TRPV1: variants seen among roughly 807,000 people sequenced by gnomAD.
TRPV1 encodes OTRPC1.
TRPV1 carries 82 observed loss-of-function variants against 82.3 expected under a neutral mutation model. That is an observed-to-expected ratio of 1.00 (90% confidence interval 0.83 to 1.20). TRPV1 has a LOEUF of 1.20. Ranked by LOEUF, TRPV1 falls within the 50% of genes most tolerant of loss-of-function variation. TRPV1 has a pLI of 0.00. For missense variants in TRPV1, 1,067 were observed against 1,096.8 expected, an observed-to-expected ratio of 0.97 and a Z score of 0.38; for synonymous variants, 515 against 467.7, an observed-to-expected ratio of 1.10 and a Z score of -1.30.
intron 16 of TRPV1, among the ~76,000 whole-genome samples, chr17:3,568,051 G>A (rs560280757): frequency 1.5e-4 from 23 of 152,206 alleles, no homozygotes; most frequent in African/African-American, 4.3e-4. Flanking sequence ...GGCCGGGCGC[G>A]GTGGCTCACG....
chr17:3,567,694 G>A (rs961790496), intron 16 of TRPV1, among the ~76,000 whole-genome samples: 4 of 151,466 alleles, frequency 2.6e-5, no homozygotes, highest in Admixed American at 6.6e-5. Context: ...AGCTCTGGGT[G>A]ACGAGCACCA....
chr17:3,574,516 C>T (rs1247775573), intron 13 of TRPV1, among the ~76,000 whole-genome samples: 1 of 152,186 alleles, frequency 6.6e-6, no homozygotes, highest in African/African-American at 2.4e-5. Context: ...CCTATTAGGT[C>T]TCTCTTAGTC....
At chr17:3,577,816 A>G in intron 11 of TRPV1, 53 bp from the exon 12 acceptor site, 1 of 1,533,668 alleles carries the variant, frequency 6.5e-7, no homozygotes, top group Non-Finnish European at 8.8e-7. Context: ...GAGGCCTGGC[A>G]CCCCCAGAAC....
At chr17:3,601,821 C>A (rs1445505333) in intron 2 of TRPV1, 1 of 151,550 alleles carries the variant, frequency 6.6e-6, no homozygotes, top group Non-Finnish European at 1.5e-5. Flanking sequence ...TCTCAAACTC[C>A]TGAGTTCACG....
In TRPV1 at chr17:3,566,923, A is replaced by G; in HGVS notation, c.2412T>C (p.Asp804=). Reference sequence around the variant, plus strand: ...CTTCCTCGGGCTGAGCAGACTGCCTATCTCGAGCACTTGCCTCTCTTAAAA... The same window carrying G: ...CTTCCTCGGGCTGAGCAGACTGCCTGTCTCGAGCACTTGCCTCTCTTAAAA... The part of the protein sequence containing the change: ...VPLLREASAR[D]RQSAQPEEVY... Residue 804 remains aspartate, a synonymous_variant, in exon 17 of 17, where the codon GAT becomes GAC. Transcript: ENST00000572705. The G allele has an allele frequency of 6.2e-7, 1 of 1,614,014 alleles. No individual in the cohort carries two copies. Among genetic ancestry groups the G allele is most frequent in the Non-Finnish European group, 8.5e-7 (1 of 1,179,884 alleles).
intron 16 of TRPV1, 95 bp downstream of exon 16, chr17:3,571,429 G>T: frequency 1.0e-6 from 1 of 996,420 alleles, no homozygotes; most frequent in Non-Finnish European, 1.5e-6. Flanking sequence ...GGGGGATGAG[G>T]AACCCGGCAA....
intron 4 of TRPV1, 33 bp downstream of exon 4, chr17:3,591,154 T>G: frequency 6.2e-7 from 1 of 1,609,592 alleles, no homozygotes; most frequent in Non-Finnish European, 8.5e-7. Flanking sequence ...AGGCCAGGGC[T>G]GGGGCCCTCC....
chr17:3,573,000 A>G (rs1169743962), intron 14 of TRPV1, among the ~76,000 whole-genome samples: 1 of 151,842 alleles, frequency 6.6e-6, no homozygotes, highest in African/African-American at 2.4e-5. Context: ...AAAAAAAAAA[A>G]AAAAAAAAAG....
At chr17:3,603,826 A>G (rs1204277206) in intron 2 of TRPV1, among the ~76,000 whole-genome samples, 1 of 152,206 alleles carries the variant, frequency 6.6e-6, no homozygotes, top group Non-Finnish European at 1.5e-5. Flanking sequence ...TGGCCTGTCC[A>G]TCTACCTGTG....
At chr17:3,583,709 G>A (rs562907129) in intron 9 of TRPV1, among the ~76,000 whole-genome samples, 3 of 152,220 alleles carry the variant, frequency 2.0e-5, no homozygotes, top group Non-Finnish European at 4.4e-5. Flanking sequence ...CCTCCTGGCT[G>A]GGAGCAGAGT....
intron 2 of TRPV1, among the ~76,000 whole-genome samples, chr17:3,603,709 A>C (rs1039022686): frequency 3.3e-5 from 5 of 152,160 alleles, no homozygotes; most frequent in Non-Finnish European, 7.3e-5. Flanking sequence ...CATTAGCTCG[A>C]AGTTATGACT....
intron 13 of TRPV1, among the ~76,000 whole-genome samples, chr17:3,576,666 A>AAAAAAAAAAAAAAAAATATAT (rs2074932932): frequency 5.3e-5 from 2 of 37,892 alleles, no homozygotes; most frequent in Non-Finnish European, 6.9e-5. Context: ...AAAAAAAAAA[A>AAAAAAAAAAAAAAAAATATAT]AAATATATAT....
At position 3,591,044 on chromosome 17, in the gene TRPV1, G is replaced by A. The variant is rs1437725344; in HGVS notation, c.524C>T (p.Pro175Leu). 1 of 1,613,048 alleles carries A rather than the reference G, an allele frequency of 6.2e-7. No individual in the cohort carries two copies. The highest frequency in any genetic ancestry group is 1.1e-5 in the South Asian group (1 of 90,776). Residue 175 changes from proline to leucine, a missense_variant, in exon 5 of 17, where the codon CCC becomes CTC. By Grantham distance (98) the Pro-to-Leu change is moderately conservative. Coordinates refer to ENST00000572705, the MANE Select transcript of TRPV1 (RefSeq NM_080704.4). ...TTGCCGCGCGATCTCCAGGAGCAGG[G>A]GGATGGTGGTGTTCTGTCCGTCGTG... ...NLHDGQNTTI[P>L]LLLEIARQTD...
intron 16 of TRPV1, among the ~76,000 whole-genome samples, chr17:3,567,432 G>A (rs1055516146): frequency 2.6e-5 from 4 of 151,164 alleles, no homozygotes; most frequent in Non-Finnish European, 5.9e-5. Flanking sequence ...ACGAGGCCCA[G>A]GCATGCGAGT....
At chr17:3,603,900 C>G in intron 2 of TRPV1, among the ~76,000 whole-genome samples, 1 of 152,164 alleles carries the variant, frequency 6.6e-6, no homozygotes. Context: ...ATACAAATCC[C>G]CTAGCAGAGC....
intron 11 of TRPV1, 36 bp from the exon 12 acceptor site, chr17:3,577,799 A>T: frequency 6.4e-7 from 1 of 1,564,162 alleles, no homozygotes; most frequent in Non-Finnish European, 8.7e-7. Context: ...CGTCTACGGG[A>T]ACCCAGGAGG....
intron 2 of TRPV1, among the ~76,000 whole-genome samples, chr17:3,598,710 C>T (rs2075240086): frequency 6.6e-6 from 1 of 151,442 alleles, no homozygotes; most frequent in Non-Finnish European, 1.5e-5. Flanking sequence ...GGATTACAGG[C>T]ACGTGCCACC....
chr17:3,602,856 T>G (rs892877060), intron 2 of TRPV1, among the ~76,000 whole-genome samples: 11 of 152,346 alleles, frequency 7.2e-5, no homozygotes, highest in Admixed American at 6.5e-4. Context: ...CCTCAGTGGC[T>G]CACGCCCGTA....
At position 3,573,635 on chromosome 17, in the gene TRPV1, G is replaced by C; in HGVS notation, c.2101C>G (p.Gln701Glu). 6.6e-7 allele frequency: 1 copy of C among 1,514,860 alleles called. No homozygotes were observed. The highest frequency in any genetic ancestry group is 1.8e-5 in the Admixed American group (1 of 56,266). The allele number at this position is 1,514,860 out of a possible 1,614,324, so 93.8% of individuals were successfully genotyped here. ...ACCCCCCAACTCCACCCACCCACCT[G>C]CAGCTTCCAGATGTTCTTGCTCTCC... ...AQESKNIWKL[Q>E]RAITILDTEK... The change falls in exon 14 of 17, where the codon CAG (glutamine) becomes GAG (glutamate). Residue 701 changes from glutamine (Q) to glutamate (E), a missense_variant and splice_region_variant. By Grantham distance (29) the Gln-to-Glu change is conservative (BLOSUM62 2). Transcript: ENST00000572705.
Sources: allele counts gnomAD v4.1 joint callset (sites outside exome capture counted in the v4.1 genomes callset), GRCh38; gene constraint gnomAD v4.1.1; transcripts MANE v1.5; gene names NCBI Gene and HGNC (gene_info 2026-07-23, HGNC 2026-07-21).